Variants in GMDS observed in about 807,000 individuals in gnomAD.
GMDS encodes GDP-mannose 4,6-dehydratase.
A neutral mutation model predicts 49.9 loss-of-function variants in GMDS; 20 were observed. That is an observed-to-expected ratio of 0.40 (90% CI 0.28 to 0.58). GMDS has a LOEUF of 0.58. GMDS is among the 20% of genes least tolerant of loss of function. The pLI, the probability that GMDS is intolerant of heterozygous loss-of-function variation, is 0.42. For synonymous variants in GMDS, 177 were observed against 178.6 expected, an observed-to-expected ratio of 0.99 and a Z score of 0.07; for missense variants, 362 against 481.4, an observed-to-expected ratio of 0.75 and a Z score of 2.32.
intron 7 of GMDS, among the ~76,000 whole-genome samples, chr6:1,912,646 C>T (rs1024744774): frequency 1.3e-5 from 2 of 151,916 alleles, no homozygotes; most frequent in African/African-American, 4.8e-5. Flanking sequence ...CTCAACTACC[C>T]GTGGGATGTG....
At chr6:1,928,366 G>GA (rs79258986) in intron 7 of GMDS, among the ~76,000 whole-genome samples, 19,348 of 128,874 alleles carry the variant, frequency 0.15, 1,419 homozygotes, top group East Asian at 0.21. Context: ...TCTGCCTTAA[G>GA]AAAAAAAAAA....
chr6:2,102,150 G>A (rs2127486842), intron 4 of GMDS, among the ~76,000 whole-genome samples: 1 of 151,982 alleles, frequency 6.6e-6, no homozygotes, highest in Non-Finnish European at 1.5e-5. Context: ...ATTAAAATTG[G>A]TTATAAAATG....
At chr6:2,040,917 T>C (rs151157074) in intron 4 of GMDS, among the ~76,000 whole-genome samples, 22 of 152,344 alleles carry the variant, frequency 1.4e-4, no homozygotes, top group African/African-American at 5.3e-4. Context: ...GGTTTCCCTG[T>C]TTCTTTGGGT....
chr6:2,094,621 A>C (rs1773492662), intron 4 of GMDS, among the ~76,000 whole-genome samples: 1 of 152,222 alleles, frequency 6.6e-6, no homozygotes, highest in South Asian at 2.1e-4. Context: ...AGGAGAACTT[A>C]CCTAAGAAGT....
At chr6:2,088,206 A>G (rs1773120232) in intron 4 of GMDS, among the ~76,000 whole-genome samples, 1 of 152,188 alleles carries the variant, frequency 6.6e-6, no homozygotes, top group African/African-American at 2.4e-5. Flanking sequence ...AAGCTTAATT[A>G]GTGATAGCGG....
intron 7 of GMDS, among the ~76,000 whole-genome samples, chr6:1,746,898 C>T (rs1284645650): frequency 6.6e-6 from 1 of 152,114 alleles, no homozygotes; most frequent in Non-Finnish European, 1.5e-5. Flanking sequence ...GATGGGGTTT[C>T]ACCATGTTGG....
intron 7 of GMDS, among the ~76,000 whole-genome samples, chr6:1,770,401 G>T (rs966921174): frequency 2.0e-5 from 3 of 152,214 alleles, no homozygotes; most frequent in Admixed American, 2.0e-4. Flanking sequence ...AAGCTGTGTG[G>T]GACACAAGGA....
chr6:1,732,772 G>A (rs745623945), intron 8 of GMDS, among the ~76,000 whole-genome samples: 9 of 152,152 alleles, frequency 5.9e-5, no homozygotes, highest in Non-Finnish European at 1.0e-4. Flanking sequence ...AGGGAAATGG[G>A]CAGGGAGGAA....
chr6:2,113,504 T>C (rs1774670145), intron 4 of GMDS, among the ~76,000 whole-genome samples: 1 of 151,848 alleles, frequency 6.6e-6, no homozygotes, highest in East Asian at 1.9e-4. Flanking sequence ...CGAATGCTCA[T>C]GATGCTGCAA....
chr6:1,704,468 T>A (rs547390458), intron 9 of GMDS, among the ~76,000 whole-genome samples: 1 of 152,150 alleles, frequency 6.6e-6, no homozygotes, highest in Admixed American at 6.5e-5. Context: ...GGAGTACCAT[T>A]CAAGATGGTC....
At chr6:1,703,655 G>A (rs1765621378) in intron 9 of GMDS, among the ~76,000 whole-genome samples, 1 of 152,210 alleles carries the variant, frequency 6.6e-6, no homozygotes, top group African/African-American at 2.4e-5. Context: ...GAGGTGTCCT[G>A]CCCCACAGCT....
chr6:1,936,254 G>C (rs1762524893), intron 6 of GMDS, among the ~76,000 whole-genome samples: 1 of 152,166 alleles, frequency 6.6e-6, no homozygotes, highest in African/African-American at 2.4e-5. Context: ...GTGAAGCAAG[G>C]CTCAATGTGA....
At chr6:1,676,913 A>C (rs1471119772) in intron 9 of GMDS, among the ~76,000 whole-genome samples, 1 of 152,346 alleles carries the variant, frequency 6.6e-6, no homozygotes, top group South Asian at 2.1e-4. Context: ...AATGGCAACA[A>C]AAGCCAAAAT....
chr6:2,204,085 T>A (rs563720103), intron 1 of GMDS, among the ~76,000 whole-genome samples: 16 of 152,346 alleles, frequency 1.1e-4, no homozygotes, highest in African/African-American at 3.1e-4. Context: ...CCTAGTTGTC[T>A]TTATTTTGAT....
intron 4 of GMDS, among the ~76,000 whole-genome samples, chr6:2,032,745 C>T (rs1769046997): frequency 6.6e-6 from 1 of 152,136 alleles, no homozygotes; most frequent in South Asian, 2.1e-4. Flanking sequence ...GTAGTATCTC[C>T]ATTCATCATT....
chr6:2,212,153 T>C (rs1193237579), intron 1 of GMDS, among the ~76,000 whole-genome samples: 2 of 152,222 alleles, frequency 1.3e-5, no homozygotes, highest in Non-Finnish European at 2.9e-5. Context: ...TTTTGTGATA[T>C]GATAAAGAAA....
intron 1 of GMDS, among the ~76,000 whole-genome samples, chr6:2,243,729 G>T (rs1781719927): frequency 6.7e-6 from 1 of 149,958 alleles, no homozygotes. Context: ...TGTCTATTAT[G>T]ATTACCTTAA....
chr6:1,989,563 C>T (rs536448373), intron 4 of GMDS, among the ~76,000 whole-genome samples: 1 of 152,308 alleles, frequency 6.6e-6, no homozygotes, highest in South Asian at 2.1e-4. Flanking sequence ...AAGGAAAAAT[C>T]CAAAAGACTT....
intron 4 of GMDS, among the ~76,000 whole-genome samples, chr6:2,080,922 C>T (rs1772654957): frequency 1.3e-5 from 2 of 152,146 alleles, no homozygotes; most frequent in Non-Finnish European, 2.9e-5. Flanking sequence ...TATTCAACTA[C>T]TGTATTTGGG....
Sources: gnomAD v4.1 joint callset for allele counts (sites outside exome capture counted in the v4.1 genomes callset) on GRCh38, gnomAD v4.1.1 for gene constraint, MANE v1.5 for transcripts, NCBI Gene and HGNC (gene_info 2026-07-23, HGNC 2026-07-21) for gene names.